The following SPATA17 variants were observed in gnomAD, a reference collection of about 807,000 sequenced individuals.
SPATA17 encodes the protein spermatogenesis-associated protein 17.
A neutral mutation model predicts 62.2 loss-of-function variants in SPATA17; 53 were observed. The ratio of observed to expected loss-of-function variants is 0.85; its 90% CI spans 0.68 to 1.07. The LOEUF (loss-of-function observed/expected upper bound fraction) is 1.07. SPATA17 is among the 50% of genes least tolerant of loss of function. SPATA17 has a pLI of 0.00. For missense variants in SPATA17, 466 were observed against 425.5 expected, an observed-to-expected ratio of 1.10 and a Z score of -0.84; for synonymous variants, 146 against 146.8, an observed-to-expected ratio of 0.99 and a Z score of 0.04.
In SPATA17 at chr1:217,706,695, A is replaced by G. The variant is rs191598736; in HGVS notation, c.395+23334A>G. 9.8e-5 allele frequency among the ~76,000 whole-genome samples: 15 copies of G among 152,288 alleles called. No homozygotes were observed. The East Asian group carries it at 2.1e-3, about 22-fold the overall frequency. ...CCAGTCTCAGGAAGTACTTTATAGC[A>G]GTGTGAAAATGGACTAATACACTAT... On this transcript the variant is annotated intron_variant, in intron 5 of 10. Transcript: ENST00000366933.
intron 3 of SPATA17, among the ~76,000 whole-genome samples, chr1:217,661,885 T>C (rs1186259519): frequency 2.6e-5 from 4 of 152,190 alleles, no homozygotes; most frequent in Admixed American, 2.6e-4. Context: ...CAAATAGTCC[T>C]ACTATTTGGG....
intron 4 of SPATA17, among the ~76,000 whole-genome samples, chr1:217,682,315 A>G (rs1671103627): frequency 6.6e-6 from 1 of 151,974 alleles, no homozygotes; most frequent in Non-Finnish European, 1.5e-5. Flanking sequence ...TAAGATATCT[A>G]GAAGCTGACT....
At position 217,739,138 on chromosome 1, in the gene SPATA17, T is replaced by G. The variant is rs528752718; in HGVS notation, c.396-2837T>G. ...CAAAAGTTTCAGTAATTTTTATCTT[T>G]ATTTTAAAACTATATCAGAAAATGT... On this transcript the variant is annotated intron_variant, in intron 5 of 10. Coordinates refer to ENST00000366933, the MANE Select transcript of SPATA17 (RefSeq NM_138796.4). 2.0e-4 allele frequency among the ~76,000 whole-genome samples: 31 copies of G among 152,310 alleles called. No individual in the cohort carries two copies. In the South Asian group the frequency reaches 6.0e-3, roughly 30 times the overall value.
chr1:217,637,211 AATCTT>A (rs1333640750), intron 1 of SPATA17, among the ~76,000 whole-genome samples: 2 of 152,296 alleles, frequency 1.3e-5, no homozygotes, highest in African/African-American at 4.8e-5. Flanking sequence ...TGTTTACAAT[AATCTT>A]ATAAGGTTAT....
chr1:217,783,091 T>C (rs1558049267), intron 8 of SPATA17, among the ~76,000 whole-genome samples: 1 of 150,832 alleles, frequency 6.6e-6, no homozygotes, highest in Non-Finnish European at 1.5e-5. Context: ...AATGATAATA[T>C]TGGTATACTA....
chr1:217,722,580 T>C (rs1571758364), intron 5 of SPATA17, among the ~76,000 whole-genome samples: 1 of 152,086 alleles, frequency 6.6e-6, no homozygotes, highest in Non-Finnish European at 1.5e-5. Context: ...TTTTTGTGAG[T>C]GTGTGTATAT....
rs759760419 is a variant in SPATA17 at position 217,742,068 on chromosome 1, A to C, written c.489A>C (p.Arg163=). 8 of 1,614,082 alleles carry C rather than the reference A, an allele frequency of 5.0e-6. No homozygotes were observed. Among genetic ancestry groups the C allele is most frequent in the Non-Finnish European group, 5.9e-6 (7 of 1,180,042 alleles). Residue 163 remains arginine (R), a synonymous_variant, in exon 6 of 11, where the codon CGA becomes CGC. Coordinates refer to ENST00000366933, the MANE Select transcript of SPATA17 (RefSeq NM_138796.4). The part of the protein sequence containing the change: ...REEKKRDYQA[R]KMHYLLSTKQ... ...AGAAGAAAAGAGATTACCAAGCCCG[A>C]AAGATGCATTACCTCCTCAGCACAA...
chr1:217,801,012 A>G (rs571477562), intron 8 of SPATA17, among the ~76,000 whole-genome samples: 52 of 152,278 alleles, frequency 3.4e-4, no homozygotes, highest in Non-Finnish European at 6.2e-4. Flanking sequence ...GATGATGGTA[A>G]TGATAATGGT....
rs74991571 is a variant in SPATA17, at chr1:217,711,659, G to T, written c.395+28298G>T. Among the ~76,000 whole-genome samples the T allele has an allele frequency of 7.9e-3, 1,205 of 152,280 alleles. 18 individuals are homozygous for T. The highest frequency in any genetic ancestry group is 0.027 in the African/African-American group (1,127 of 41,542). ...TATAATTGACGCTCAACAAATAGTG[G>T]CTATTATTATCAAGGACAAGGTAGA... On this transcript the variant is annotated intron_variant, in intron 5 of 10. Coordinates refer to ENST00000366933, the MANE Select transcript of SPATA17 (RefSeq NM_138796.4).
Position 217,774,520 on chromosome 1 carries a change from A to C in SPATA17, c.706A>C (p.Asn236His). 1 of 1,613,668 alleles carries C rather than the reference A, an allele frequency of 6.2e-7. No homozygotes were observed. Among genetic ancestry groups the C allele is most frequent in the South Asian group, 1.1e-5 (1 of 91,068 alleles). Residue 236 changes from asparagine (N) to histidine (H), a missense_variant, in exon 7 of 11, where the codon AAT (asparagine) becomes CAT (histidine). By Grantham distance (68) the Asn-to-His change is moderately conservative. Transcript: ENST00000366933. ...FPRSEILPPI[N>H]RKQCQGPFRD... ...TCGGTCTGAAATTCTACCACCTATTAATAGAAAGCAATGTCAGGTACTAGT... is the reference window on the plus strand; with the variant it reads ...TCGGTCTGAAATTCTACCACCTATTCATAGAAAGCAATGTCAGGTACTAGT...
chr1:217,807,969 G>GC (rs1674479905), intron 9 of SPATA17, among the ~76,000 whole-genome samples: 1 of 152,152 alleles, frequency 6.6e-6, no homozygotes, highest in African/African-American at 2.4e-5. Context: ...ATTAACACAT[G>GC]CCATACCTAT....
At chr1:217,669,852 A>G (rs1489304428) in intron 4 of SPATA17, among the ~76,000 whole-genome samples, 1 of 152,142 alleles carries the variant, frequency 6.6e-6, no homozygotes, top group African/African-American at 2.4e-5. Flanking sequence ...CATAGTGGCT[A>G]AGTTAACATT....
At chr1:217,724,466 T>C (rs1181873903) in intron 5 of SPATA17, among the ~76,000 whole-genome samples, 7 of 152,142 alleles carry the variant, frequency 4.6e-5, no homozygotes, top group Admixed American at 4.6e-4. Context: ...CACATGCCTG[T>C]AGTCCCAGCT....
chr1:217,755,449 T>C (rs1673018658), intron 6 of SPATA17, among the ~76,000 whole-genome samples: 1 of 152,058 alleles, frequency 6.6e-6, no homozygotes, highest in Non-Finnish European at 1.5e-5. Context: ...ATAAATAAGC[T>C]GCATATCTCA....
intron 5 of SPATA17, among the ~76,000 whole-genome samples, chr1:217,697,117 T>G (rs1671476785): frequency 6.6e-6 from 1 of 152,224 alleles, no homozygotes; most frequent in African/African-American, 2.4e-5. Context: ...CAAGTGATTC[T>G]CCTGCCTCAG....
intron 1 of SPATA17, among the ~76,000 whole-genome samples, chr1:217,640,723 G>T (rs1006097479): frequency 6.6e-6 from 1 of 152,014 alleles, no homozygotes; most frequent in African/African-American, 2.4e-5. Context: ...ATAAATAGCA[G>T]TTTAAAAGAG....
Position 217,676,264 on chromosome 1 carries a change from C to G in SPATA17, c.292-6994C>G, listed in dbSNP as rs189306726. On this transcript the variant is annotated intron_variant, in intron 4 of 10. Coordinates refer to ENST00000366933, the MANE Select transcript of SPATA17 (RefSeq NM_138796.4). ...AAGCCTAGATGAAACACCCTTCCTG[C>G]TCCAATTTTAAATGGATTTTTGAGG... Among the ~76,000 whole-genome samples, 292 of 152,246 alleles carry G rather than the reference C, an allele frequency of 1.9e-3. 1 individual carries two copies. The highest frequency in any genetic ancestry group is 6.8e-3 in the African/African-American group (284 of 41,538).
At chr1:217,755,352 A>C (rs1020018058) in intron 6 of SPATA17, among the ~76,000 whole-genome samples, 1 of 152,068 alleles carries the variant, frequency 6.6e-6, no homozygotes, top group South Asian at 2.1e-4. Flanking sequence ...AGACAGTAAA[A>C]TAAAAGATGA....
chr1:217,811,215 G>T (rs796257098), intron 9 of SPATA17, among the ~76,000 whole-genome samples: 3 of 151,910 alleles, frequency 2.0e-5, no homozygotes, highest in African/African-American at 7.2e-5. Flanking sequence ...TGTATTTTTT[G>T]TAGAGATGGG....
Sources: allele counts gnomAD v4.1 joint callset (sites outside exome capture counted in the v4.1 genomes callset), GRCh38; gene constraint gnomAD v4.1.1; transcripts MANE v1.5; gene names NCBI Gene and HGNC (gene_info 2026-07-23, HGNC 2026-07-21).